Variants in APOBEC3F observed in about 807,000 individuals in gnomAD.
APOBEC3F encodes the protein apolipoprotein B mRNA editing enzyme catalytic subunit 3F.
APOBEC3F carries 34 observed loss-of-function variants against 45.8 expected under a neutral mutation model. The observed-to-expected ratio is 0.74, with a 90% CI of 0.57 to 0.99. APOBEC3F has a LOEUF of 0.99. Among genes scored for constraint, APOBEC3F ranks in the 50% least tolerant of loss-of-function variants. The probability of loss-of-function intolerance (pLI) is 0.00; values close to 1 mark genes in which losing one functional copy is unlikely to be tolerated. For synonymous variants in APOBEC3F, 192 were observed against 174.4 expected, an observed-to-expected ratio of 1.10 and a Z score of -0.80; for missense variants, 459 against 474.1, an observed-to-expected ratio of 0.97 and a Z score of 0.30.
rs534963832 is a variant in APOBEC3F at position 39,043,097 on chromosome 22, C to G, written c.171+7C>G. 2.7e-5 allele frequency: 43 copies of G among 1,613,956 alleles called. 1 individual carries two copies. The South Asian group carries it at 4.4e-4, about 16-fold the overall frequency. ...AAAGATCTTTCGAGGCCAGGTACCA[C>G]CCGGACTTCAATCACTTTGCAGGCA... On this transcript the variant is annotated splice_region_variant and intron_variant, in intron 2 of 6. Transcript: ENST00000308521.
chr22:39,045,253 G>T (rs538464630), intron 3 of APOBEC3F, 33 bp downstream of exon 3: 1 of 1,607,288 alleles, frequency 6.2e-7, no homozygotes, highest in South Asian at 1.1e-5. Flanking sequence ...GAGCGTGAGC[G>T]GGAGGAACAG....
intron 5 of APOBEC3F, among the ~76,000 whole-genome samples, 185 bp from the exon 6 acceptor site, chr22:39,051,889 G>C (rs1692853407): frequency 6.6e-6 from 1 of 152,120 alleles, no homozygotes. Flanking sequence ...GGGAGGTCAA[G>C]GCTGCAGTCA....
At chr22:39,047,940 G>C (rs1217678653) in intron 4 of APOBEC3F, among the ~76,000 whole-genome samples, 1 of 152,134 alleles carries the variant, frequency 6.6e-6, no homozygotes, top group Admixed American at 6.6e-5. Context: ...CAAAGTCTTA[G>C]GAGAGGATGT....
intron 4 of APOBEC3F, among the ~76,000 whole-genome samples, chr22:39,047,134 A>G (rs1159131588): frequency 1.3e-5 from 2 of 152,026 alleles, no homozygotes; most frequent in East Asian, 3.9e-4. Context: ...GGGGGCACGC[A>G]TGGCATCCTG....
In APOBEC3F at chr22:39,055,854, C is replaced by T. The variant is rs1031640989; in HGVS notation, c.*3159C>T. Reference sequence around the variant, plus strand: ...TGCACAATCTATCACGACCCTTTCACGTGGACCCCTTAGAATTGTAAGCCC... The same window carrying T: ...TGCACAATCTATCACGACCCTTTCATGTGGACCCCTTAGAATTGTAAGCCC... On this transcript the variant is annotated 3_prime_UTR_variant, in exon 7 of 7. Transcript: ENST00000308521. Among the ~76,000 whole-genome samples the T allele has an allele frequency of 1.3e-5, 2 of 152,266 alleles. No individual in the cohort carries two copies. Among genetic ancestry groups the T allele is most frequent in the African/African-American group, 2.4e-5 (1 of 41,548 alleles).
At chr22:39,042,046 C>G (rs1469153244) in intron 1 of APOBEC3F, among the ~76,000 whole-genome samples, 1 of 152,200 alleles carries the variant, frequency 6.6e-6, no homozygotes, top group Non-Finnish European at 1.5e-5. Flanking sequence ...CAGCCCCATC[C>G]GTCCCCAGCT....
intron 4 of APOBEC3F, among the ~76,000 whole-genome samples, chr22:39,047,334 C>G (rs980878913): frequency 6.6e-6 from 1 of 152,164 alleles, no homozygotes; most frequent in Non-Finnish European, 1.5e-5. Context: ...TCCTCCCATC[C>G]AGGTGAGAAA....
chr22:39,052,429 G>A (rs1927539489), intron 6 of APOBEC3F, 76 bp downstream of exon 6: 2 of 1,587,922 alleles, frequency 1.3e-6, no homozygotes, highest in Non-Finnish European at 1.7e-6. Flanking sequence ...CAATGCCGTG[G>A]GGCGGGGCAG....
In APOBEC3F at chr22:39,052,202, A is replaced by G. The variant is rs1367587771; in HGVS notation, c.852A>G (p.Ala284=). The G allele has an allele frequency of 6.2e-7, 1 of 1,614,150 alleles. No individual in the cohort carries two copies. Among genetic ancestry groups the G allele is most frequent in the South Asian group, 1.1e-5 (1 of 91,080 alleles). The part of the protein sequence containing the change: ...YTSWSPCPEC[A]GEVAEFLARH... Reference sequence around the variant, plus strand: ...CTTGGAGCCCTTGCCCAGAGTGTGCAGGGGAGGTGGCCGAGTTCCTGGCCA... The same window carrying G: ...CTTGGAGCCCTTGCCCAGAGTGTGCGGGGGAGGTGGCCGAGTTCCTGGCCA... Residue 284 remains alanine, a synonymous_variant, in exon 6 of 7, where the codon GCA becomes GCG. Coordinates refer to ENST00000308521, the MANE Select transcript of APOBEC3F (RefSeq NM_145298.6).
Position 39,045,203 on chromosome 22 carries a change from A to G in APOBEC3F, c.434A>G (p.Lys145Arg). 6.2e-7 allele frequency: 1 copy of G among 1,614,152 alleles called. No homozygotes were observed. Among genetic ancestry groups the G allele is most frequent in the Non-Finnish European group, 8.5e-7 (1 of 1,180,022 alleles). The change falls in exon 3 of 7, where the codon AAG (lysine) becomes AGG (arginine). Residue 145 changes from lysine (K) to arginine (R), a missense_variant. Lys to Arg is a conservative substitution (Grantham distance 26). Transcript: ENST00000308521. ...CRLSQAGARV[K>R]IMDDEEFAYC... Reference sequence around the variant, plus strand: ...CTGAGTCAGGCAGGGGCCCGCGTGAAGATTATGGACGATGAAGGTGAGAGG... The same window carrying G: ...CTGAGTCAGGCAGGGGCCCGCGTGAGGATTATGGACGATGAAGGTGAGAGG...
chr22:39,044,881 C>G, intron 2 of APOBEC3F, 60 bp from the exon 3 acceptor site: 4 of 1,506,002 alleles, frequency 2.7e-6, no homozygotes, highest in Non-Finnish European at 3.6e-6. Flanking sequence ...CCCTGCCCCA[C>G]CCCTGCACTC....
chr22:39,048,956 G>T (rs1169822899), intron 4 of APOBEC3F, among the ~76,000 whole-genome samples: 1 of 151,802 alleles, frequency 6.6e-6, no homozygotes, highest in Non-Finnish European at 1.5e-5. Context: ...CTGCACTCCA[G>T]CCTGGGCAGC....
chr22:39,048,616 G>C (rs1927332938), intron 4 of APOBEC3F, among the ~76,000 whole-genome samples: 2 of 152,244 alleles, frequency 1.3e-5, no homozygotes, highest in South Asian at 4.1e-4. Context: ...GACCATCCTG[G>C]CTAACATGAT....
At chr22:39,046,869 G>A (rs1352569083) in intron 4 of APOBEC3F, among the ~76,000 whole-genome samples, 1 of 152,076 alleles carries the variant, frequency 6.6e-6, no homozygotes, top group Non-Finnish European at 1.5e-5. Context: ...TGGATAATGG[G>A]AGGCTTGAGA....
chr22:39,044,096 T>C (rs1927073487), intron 2 of APOBEC3F: 1 of 1,551,204 alleles, frequency 6.4e-7, no homozygotes, highest in African/African-American at 1.4e-5. Context: ...CCCAGGTCTT[T>C]CATCAGAGCC....
intron 5 of APOBEC3F, among the ~76,000 whole-genome samples, chr22:39,050,938 A>G (rs1002753533): frequency 1.3e-5 from 2 of 152,214 alleles, no homozygotes; most frequent in Admixed American, 1.3e-4. Context: ...AAAAGACTCA[A>G]TAAAATAAAG....
intron 2 of APOBEC3F, chr22:39,044,300 C>A: frequency 2.7e-6 from 4 of 1,486,670 alleles, no homozygotes; most frequent in Non-Finnish European, 3.6e-6. Flanking sequence ...GCATGAGGCT[C>A]TGAACAGGGC....
chr22:39,042,922 C>G lies in APOBEC3F; in HGVS notation c.18-15C>G, dbSNP rs780651181. On this transcript the variant is annotated splice_polypyrimidine_tract_variant and intron_variant, in intron 1 of 6. Coordinates refer to ENST00000308521, the MANE Select transcript of APOBEC3F (RefSeq NM_145298.6). The stretch of plus-strand genomic sequence containing the variant: ...GCGCTCTCTACATTGGCTGGTTTCT[C>G]TCTTGTGTCTTCAGAAACACAGTGG... 6 of 1,613,412 alleles carry G rather than the reference C, an allele frequency of 3.7e-6. No homozygotes were observed. Among genetic ancestry groups the G allele is most frequent in the East Asian group, 2.2e-5 (1 of 44,872 alleles).
At chr22:39,042,174 A>T (rs1193608354) in intron 1 of APOBEC3F, among the ~76,000 whole-genome samples, 8 of 152,244 alleles carry the variant, frequency 5.3e-5, no homozygotes, top group Admixed American at 5.2e-4. Context: ...CGCAGCACTT[A>T]GAAGAGTGGC....
Sources: allele counts gnomAD v4.1 joint callset (sites outside exome capture counted in the v4.1 genomes callset), GRCh38; gene constraint gnomAD v4.1.1; transcripts MANE v1.5; gene names NCBI Gene and HGNC (gene_info 2026-07-23, HGNC 2026-07-21).